ECE1: variants seen among roughly 807,000 people sequenced by gnomAD.
The protein encoded by ECE1 is endothelin converting enzyme 1.
A neutral mutation model predicts 98.6 loss-of-function variants in ECE1; 35 were observed. The observed-to-expected ratio is 0.35, with a 90% CI of 0.27 to 0.47. The LOEUF (loss-of-function observed/expected upper bound fraction) is 0.47. Among genes scored for constraint, ECE1 ranks in the 20% least tolerant of loss-of-function variants. ECE1 has a pLI of 1.00. For synonymous variants in ECE1, 394 were observed against 407.1 expected (o/e 0.97, Z 0.39); for missense variants, 814 against 1,025.3 (o/e 0.79, Z 2.81).
At chr1:21,310,252 T>C (rs1417524008) in intron 1 of ECE1, among the ~76,000 whole-genome samples, 2 of 152,186 alleles carry the variant, frequency 1.3e-5, no homozygotes, top group East Asian at 3.9e-4. Flanking sequence ...CCCTTGTGTG[T>C]TACCTTCACT....
rs924343199 is a variant in ECE1, at chr1:21,260,921, G to A, written c.494-529C>T. Reference sequence around the variant, plus strand: ...AGGCTTACAGCCAACTCCTGGGGCCGTTTTCCACCGCCCTTGCCAACTCCA... The same window carrying A: ...AGGCTTACAGCCAACTCCTGGGGCCATTTTCCACCGCCCTTGCCAACTCCA... On this transcript the variant is annotated intron_variant, in intron 4 of 18. Coordinates refer to ENST00000374893, the MANE Select transcript of ECE1 (RefSeq NM_001397.3). This position sits in a 1 kb window ranked among gnomAD's most constrained non-coding sequence, Gnocchi z 4.3. 1.3e-5 allele frequency among the ~76,000 whole-genome samples: 2 copies of A among 152,224 alleles called. No homozygotes were observed. Among genetic ancestry groups the A allele is most frequent in the South Asian group, 4.1e-4 (2 of 4,830 alleles).
chr1:21,280,625 G>A (rs1235387023), intron 2 of ECE1, among the ~76,000 whole-genome samples: 1 of 152,178 alleles, frequency 6.6e-6, no homozygotes, highest in African/African-American at 2.4e-5. Flanking sequence ...AGGAAGAGGG[G>A]AAGCTGTCAG....
chr1:21,287,637 C>G (rs965639801), intron 2 of ECE1, among the ~76,000 whole-genome samples: 2 of 152,204 alleles, frequency 1.3e-5, no homozygotes, highest in Non-Finnish European at 2.9e-5. Flanking sequence ...CACAGAGTGA[C>G]AGCAGTTGCG....
chr1:21,315,923 G>A (rs1164382170), intron 1 of ECE1, among the ~76,000 whole-genome samples: 4 of 152,102 alleles, frequency 2.6e-5, no homozygotes, highest in Non-Finnish European at 1.5e-5. Context: ...CAGTCAACCT[G>A]GGTACCGGCT....
intron 1 of ECE1, among the ~76,000 whole-genome samples, chr1:21,330,408 T>A (rs68078765): frequency 0.072 from 10,887 of 151,726 alleles, 532 homozygotes; most frequent in Middle Eastern, 0.11. Flanking sequence ...GTTTCGTATT[T>A]TTTGTAGAGA....
chr1:21,279,194 T>G lies in ECE1; in HGVS notation c.277A>C (p.Thr93Pro). 6.2e-7 allele frequency: 1 copy of G among 1,614,136 alleles called. No individual in the cohort carries two copies. Among genetic ancestry groups the G allele is most frequent in the Non-Finnish European group, 8.5e-7 (1 of 1,180,022 alleles). Reference sequence around the variant, plus strand: ...CATGCAACACGAAGGCACCTACTTGTCTGGTACTGGATGCCCAGTGCTGCC... The same window carrying G: ...CATGCAACACGAAGGCACCTACTTGGCTGGTACTGGATGCCCAGTGCTGCC... ...CLAALGIQYQ[T>P]RSPSVCLSEA... The change falls in exon 3 of 19, where the codon ACA becomes CCA. Residue 93 changes from threonine (T) to proline (P), a missense_variant. Thr to Pro is a conservative substitution (Grantham distance 38). This residue lies in a region of ECE1 where 257 missense variants were observed against 278.9 expected (regional missense o/e 0.92). Transcript: ENST00000374893.
chr1:21,343,145 G>C (rs888764044), intron 1 of ECE1, among the ~76,000 whole-genome samples: 6 of 152,098 alleles, frequency 3.9e-5, no homozygotes, highest in African/African-American at 1.4e-4. Flanking sequence ...AGCTTGGAGA[G>C]AGCCCCTGCC....
intron 4 of ECE1, among the ~76,000 whole-genome samples, chr1:21,272,391 AAGCG>A (rs1200549918): frequency 3.3e-5 from 5 of 152,100 alleles, no homozygotes; most frequent in Admixed American, 1.3e-4. Context: ...TCCCAGTTTC[AAGCG>A]ATTCTCCTGC....
chr1:21,253,598 T>A (rs2098215665), intron 8 of ECE1, among the ~76,000 whole-genome samples: 1 of 149,506 alleles, frequency 6.7e-6, no homozygotes, highest in South Asian at 2.2e-4. Context: ...CGGTCTCTAC[T>A]AAAAATACAA....
chr1:21,303,500 A>G (rs576639724), intron 1 of ECE1, among the ~76,000 whole-genome samples: 8 of 152,390 alleles, frequency 5.2e-5, no homozygotes, highest in Non-Finnish European at 1.2e-4. Context: ...AATAGAGAGC[A>G]CTTAGGACAG....
chr1:21,221,610 G>A (rs2098167554), intron 18 of ECE1, 137 bp downstream of exon 18: 1 of 898,744 alleles, frequency 1.1e-6, no homozygotes, highest in Non-Finnish European at 1.9e-6. Context: ...CTAATGACAG[G>A]GCACATGTGC....
chr1:21,318,849 C>T (rs1306308199), intron 1 of ECE1, among the ~76,000 whole-genome samples: 1 of 152,206 alleles, frequency 6.6e-6, no homozygotes, highest in Non-Finnish European at 1.5e-5. Flanking sequence ...AGAGGCCGCA[C>T]TTCTGTCGGG....
intron 7 of ECE1, 117 bp downstream of exon 7, chr1:21,257,408 A>T: frequency 1.8e-6 from 2 of 1,125,984 alleles, no homozygotes; most frequent in Non-Finnish European, 2.6e-6. Flanking sequence ...TTCACCCATC[A>T]GGTCACTGAC....
chr1:21,263,997 C>T (rs74483531), intron 4 of ECE1, among the ~76,000 whole-genome samples: 33 of 152,178 alleles, frequency 2.2e-4, no homozygotes, highest in African/African-American at 6.3e-4. Flanking sequence ...CAAAGGTGGG[C>T]GCTTGGCCAG....
chr1:21,236,941 C>T (rs2098189063), intron 11 of ECE1, 97 bp from the exon 12 acceptor site: 1 of 1,185,612 alleles, frequency 8.4e-7, no homozygotes, highest in Non-Finnish European at 1.3e-6. Context: ...AGAGATTAAA[C>T]TCAATTTTCC....
chr1:21,288,841 CT>C (rs1318485124), intron 2 of ECE1, among the ~76,000 whole-genome samples: 4 of 152,158 alleles, frequency 2.6e-5, no homozygotes, highest in African/African-American at 9.7e-5. Context: ...GTGGTTGCCC[CT>C]CTCAGAGCCT....
chr1:21,305,477 T>G (rs1003838226), intron 1 of ECE1, among the ~76,000 whole-genome samples: 5 of 152,226 alleles, frequency 3.3e-5, no homozygotes, highest in African/African-American at 1.2e-4. Flanking sequence ...TTTCTCTGTA[T>G]AGAGAATGGC....
At chr1:21,314,276 G>A (rs1012041844) in intron 1 of ECE1, among the ~76,000 whole-genome samples, 1 of 152,134 alleles carries the variant, frequency 6.6e-6, no homozygotes, top group African/African-American at 2.4e-5. Flanking sequence ...TTCTGGGAAG[G>A]GGGCGCTGGC....
rs537960228 is a variant in ECE1 at position 21,296,354 on chromosome 1, T to A, written c.4-6198A>T. ...TGAGACTTTGTCTCTACAAAAAATT[T>A]AAAAAAAAAATTAGCTAGGTGTGGT... On this transcript the variant is annotated intron_variant, in intron 1 of 18. Transcript: ENST00000415912. Among the ~76,000 whole-genome samples, 281 of 149,596 alleles carry A rather than the reference T, an allele frequency of 1.9e-3. 1 individual carries two copies. Among genetic ancestry groups the A allele is most frequent in the African/African-American group, 5.8e-3 (237 of 40,728 alleles).
Sources: gnomAD v4.1 joint callset for allele counts (sites outside exome capture counted in the v4.1 genomes callset) on GRCh38, gnomAD v4.1.1 for gene constraint, gnomAD v4.1.1 regional missense constraint, Gnocchi (gnomAD v3.1) non-coding constraint, MANE v1.5 for transcripts, NCBI Gene and HGNC (gene_info 2026-07-23, HGNC 2026-07-21) for gene names.